The following NLGN4X variants were observed in gnomAD, a reference collection of about 807,000 sequenced individuals.
NLGN4X encodes neuroligin 4 X-linked, also known as neuroligin-4, X-linked.
NLGN4X carries 3 observed loss-of-function variants against 40.3 expected under a neutral mutation model. That is an observed-to-expected ratio of 0.07 (90% CI 0.03 to 0.19). NLGN4X has a LOEUF of 0.19. NLGN4X is among the 10% of genes least tolerant of loss of function. NLGN4X has a pLI of 1.00. For synonymous variants in NLGN4X, 270 were observed against 306.8 expected (o/e 0.88, Z 1.25); for missense variants, 382 against 708.3 (o/e 0.54, Z 5.23).
intron 2 of NLGN4X, among the ~76,000 whole-genome samples, chrX:6,049,045 C>A (rs895142002): frequency 1.3e-4 from 13 of 102,418 alleles, no homozygotes; most frequent in African/African-American, 4.6e-4. Context: ...TAAGGGTATG[C>A]CAAATGAACA....
chrX:6,149,059 C>G (rs1477867110), intron 2 of NLGN4X, among the ~76,000 whole-genome samples: 1 of 112,221 alleles, frequency 8.9e-6, no homozygotes, highest in Non-Finnish European at 1.9e-5. Context: ...GCCTAAAGAT[C>G]TAAACAAGTG....
intron 3 of NLGN4X, among the ~76,000 whole-genome samples, chrX:5,944,674 G>A (rs7879458): frequency 0.029 from 2,509 of 87,199 alleles, 150 homozygotes; most frequent in African/African-American, 0.11. Flanking sequence ...AAAAAAAAAA[G>A]AAGAAGAAAT....
At chrX:5,919,864 T>C (rs1415563294) in intron 3 of NLGN4X, among the ~76,000 whole-genome samples, 1 of 111,892 alleles carries the variant, frequency 8.9e-6, no homozygotes, top group Non-Finnish European at 1.9e-5. Flanking sequence ...AGTTGGGAGA[T>C]ATTTTTATAT....
At chrX:6,064,398 G>C (rs187274370) in intron 2 of NLGN4X, among the ~76,000 whole-genome samples, 4 of 111,952 alleles carry the variant, frequency 3.6e-5, no homozygotes, top group South Asian at 3.7e-4. Flanking sequence ...GGTCCTCATA[G>C]TTCTCAGAAA....
At chrX:5,917,224 G>T (rs1053984021) in intron 3 of NLGN4X, among the ~76,000 whole-genome samples, 2 of 112,475 alleles carry the variant, frequency 1.8e-5, no homozygotes, top group African/African-American at 3.2e-5. Flanking sequence ...GCTAGCTCAT[G>T]GACCCAGCAC....
Position 5,925,430 on chromosome X carries a change from C to T in NLGN4X, c.626-16191G>A, listed in dbSNP as rs747251292. ...TAATTCCTTATGGAAATCAATGAAC[C>T]GTCCCATCAAATTTTATCAAGCATA... On this transcript the variant is annotated intron_variant, in intron 3 of 5. Transcript: ENST00000381095. Among the ~76,000 whole-genome samples, 16 of 110,841 alleles carry T rather than the reference C, an allele frequency of 1.4e-4. No individual in the cohort carries two copies. In the South Asian group the frequency reaches 4.6e-3, roughly 32 times the overall value.
rs753910953 is a variant in NLGN4X at position 6,032,767 on chromosome X, A to G, written c.473-3335T>C. The G allele has an allele frequency of 1.3e-5, 14 of 1,064,224 alleles. No homozygotes were observed. In the Admixed American group the frequency reaches 3.5e-4, roughly 26 times the overall value. 87.7% of individuals were successfully genotyped at this position (1,064,224 alleles called of 1,213,427 possible). On this transcript the variant is annotated intron_variant, in intron 2 of 5. Coordinates refer to ENST00000381095, the MANE Select transcript of NLGN4X (RefSeq NM_181332.3). ...TGTTGGCTCCTGGGGTCATATTGAG[A>G]AGGAAAATAAAGGGAAAAAAGAGAA...
chrX:6,070,771 G>A (rs185297734), intron 2 of NLGN4X, among the ~76,000 whole-genome samples: 72 of 111,502 alleles, frequency 6.5e-4, no homozygotes, highest in African/African-American at 2.2e-3. Flanking sequence ...AGAAGGTGGC[G>A]GGATGGAAGC....
rs759378242 is a variant in NLGN4X at position 5,998,717 on chromosome X, G to A, written c.625+30563C>T. 5.0e-3 allele frequency among the ~76,000 whole-genome samples: 557 copies of A among 111,821 alleles called. 2 individuals carry two copies. The highest frequency in any genetic ancestry group is 0.017 in the African/African-American group (532 of 30,800). The stretch of plus-strand genomic sequence containing the variant: ...TGGCAGTTGCATTTTAAACACTGGG[G>A]AAAAAAAAGAGGAAAAAAAGATCAT... On this transcript the variant is annotated intron_variant, in intron 3 of 5. Transcript: ENST00000381095.
At chrX:6,160,186 T>C (rs1467444053) in intron 1 of NLGN4X, among the ~76,000 whole-genome samples, 3 of 112,229 alleles carry the variant, frequency 2.7e-5, no homozygotes, top group Non-Finnish European at 5.6e-5. Context: ...GATAAATGCT[T>C]CAGGTGATGT....
At chrX:6,016,971 G>C (rs1282537110) in intron 3 of NLGN4X, among the ~76,000 whole-genome samples, 2 of 111,730 alleles carry the variant, frequency 1.8e-5, no homozygotes, top group African/African-American at 6.5e-5. Flanking sequence ...GGGGACCTGG[G>C]AGAGAAGAGG....
intron 2 of NLGN4X, among the ~76,000 whole-genome samples, chrX:6,140,467 C>T (rs377754695): frequency 1.6e-5 from 1 of 63,162 alleles, no homozygotes. Context: ...GACACACACA[C>T]ACACACACAC....
At chrX:6,032,633 G>A in intron 2 of NLGN4X, 1 of 761,334 alleles carries the variant, frequency 1.3e-6, no homozygotes, top group South Asian at 2.9e-5. Flanking sequence ...AAAAAAAAGA[G>A]AGATAGATAG....
chrX:6,190,659 T>C (rs901707622), intron 1 of NLGN4X, among the ~76,000 whole-genome samples: 6 of 111,992 alleles, frequency 5.4e-5, no homozygotes, highest in African/African-American at 1.9e-4. Context: ...CTGCTCTCTT[T>C]CTAATGTCCA....
Position 5,979,806 on chromosome X carries a change from A to G in NLGN4X, c.625+49474T>C, listed in dbSNP as rs1419092751. On this transcript the variant is annotated intron_variant, in intron 3 of 5. Transcript: ENST00000381095. ...TATGTGTATATATACACACATACAT[A>G]TATATGTGTATATATACACACATAT... Among the ~76,000 whole-genome samples, 6 of 102,235 alleles carry G rather than the reference A, an allele frequency of 5.9e-5. No homozygotes were observed. In the East Asian group the frequency reaches 1.5e-3, roughly 25 times the overall value. The allele number at this position is 102,235 out of a possible 115,157, so 88.8% of individuals were successfully genotyped here. A position where few individuals can be genotyped will look rare whatever the true frequency, so the allele number is the denominator to read the frequency against.
At chrX:6,225,923 A>G (rs58792308) in intron 1 of NLGN4X, among the ~76,000 whole-genome samples, 9,914 of 100,552 alleles carry the variant, frequency 0.099, 509 homozygotes, top group Non-Finnish European at 0.12. Context: ...AAATAGAAAT[A>G]AAATAAAATA....
chrX:6,149,464 G>A (rs1236504872), intron 2 of NLGN4X, among the ~76,000 whole-genome samples: 5 of 111,634 alleles, frequency 4.5e-5, no homozygotes, highest in African/African-American at 1.6e-4. Flanking sequence ...TTCATTATGA[G>A]AAAGATCTCA....
intron 3 of NLGN4X, among the ~76,000 whole-genome samples, chrX:5,929,010 T>C (rs2033435041): frequency 9.0e-6 from 1 of 110,542 alleles, no homozygotes; most frequent in Non-Finnish European, 1.9e-5. Context: ...TTTTAGTTGA[T>C]CTGCTGATTA....
At chrX:5,967,589 C>T (rs925972626) in intron 3 of NLGN4X, among the ~76,000 whole-genome samples, 2 of 110,939 alleles carry the variant, frequency 1.8e-5, no homozygotes, top group Non-Finnish European at 3.8e-5. Context: ...TGAACCTTTG[C>T]TGTCACATTG....
Sources: gnomAD v4.1 joint callset for allele counts (sites outside exome capture counted in the v4.1 genomes callset) on GRCh38, gnomAD v4.1.1 for gene constraint, MANE v1.5 for transcripts, NCBI Gene and HGNC (gene_info 2026-07-23, HGNC 2026-07-21) for gene names.